RBM14: variants seen among roughly 807,000 people sequenced by gnomAD.
RBM14 encodes RNA-binding protein 14.
In RBM14, 5 loss-of-function variants were observed where a neutral mutation model predicts 52.8. That is an observed-to-expected ratio of 0.09 (90% CI 0.05 to 0.20). RBM14 has a LOEUF of 0.20. Ranked by LOEUF, RBM14 falls within the 10% of genes least tolerant of loss-of-function variation. The pLI, the probability that RBM14 is intolerant of heterozygous loss-of-function variation, is 1.00. For missense variants in RBM14, 780 were observed against 926.6 expected, an observed-to-expected ratio of 0.84 and a Z score of 2.05; for synonymous variants, 411 against 401.8, an observed-to-expected ratio of 1.02 and a Z score of -0.28.
intron 1 of RBM14, among the ~76,000 whole-genome samples, chr11:66,619,925 C>CT (rs1859028103): frequency 6.6e-6 from 1 of 152,248 alleles, no homozygotes; most frequent in African/African-American, 2.4e-5. Context: ...ATTCACTTAA[C>CT]TTTGTTACTG....
chr11:66,616,750 G>A lies in RBM14; in HGVS notation c.30G>A (p.Gly10=), dbSNP rs1565066825. The A allele has an allele frequency of 6.2e-7, 1 of 1,600,460 alleles. No homozygotes were observed. Among genetic ancestry groups the A allele is most frequent in the African/African-American group, 1.3e-5 (1 of 74,688 alleles). The change falls in exon 1 of 3, where the codon GGG becomes GGA. Residue 10 remains glycine, a synonymous_variant. Coordinates refer to ENST00000310137, the MANE Select transcript of RBM14 (RefSeq NM_006328.4). MKIFVGNVD[G]ADTTPEELAA... is the part of the protein sequence containing the mutation. Reference sequence around the variant, plus strand: ...AGATATTCGTGGGCAACGTCGACGGGGCGGATACGACTCCGGAGGAGCTGG... The same window carrying A: ...AGATATTCGTGGGCAACGTCGACGGAGCGGATACGACTCCGGAGGAGCTGG...
intron 1 of RBM14, among the ~76,000 whole-genome samples, chr11:66,618,853 G>A (rs1183589424): frequency 6.6e-6 from 1 of 152,164 alleles, no homozygotes; most frequent in African/African-American, 2.4e-5. Flanking sequence ...CCAACACCAA[G>A]TGACGATGCG....
In RBM14 at chr11:66,625,161, C is replaced by T. The variant is rs762205901; in HGVS notation, c.1285C>T (p.Pro429Ser). 2 of 1,612,760 alleles carry T rather than the reference C, an allele frequency of 1.2e-6. No homozygotes were observed. Among genetic ancestry groups the T allele is most frequent in the Admixed American group, 1.7e-5 (1 of 60,014 alleles). Residue 429 changes from proline to serine, a missense_variant, in exon 2 of 3, where the codon CCT becomes TCT. This residue lies in a region of RBM14 where 675 missense variants were observed against 697.3 expected (regional missense o/e 0.97). Transcript: ENST00000310137. The surrounding 1 kb of genome is among the most constrained non-coding windows in gnomAD (Gnocchi z 4.2). ...AQQAASYSSQ[P>S]AAYVAQPATA... ...GCAGGCTGCTTCCTACTCTTCCCAA[C>T]CTGCTGCCTATGTGGCACAGCCAGC...
chr11:66,626,381 C>A, intron 2 of RBM14, 80 bp from the exon 3 acceptor site: 1 of 1,337,902 alleles, frequency 7.5e-7, no homozygotes, highest in Admixed American at 1.7e-5. Flanking sequence ...CTCCCTGTCC[C>A]CATTGGCATC....
intron 1 of RBM14, among the ~76,000 whole-genome samples, chr11:66,621,833 C>T (rs1461086241): frequency 1.3e-5 from 2 of 152,182 alleles, no homozygotes; most frequent in Non-Finnish European, 2.9e-5. Context: ...TCATATCTTA[C>T]AAGGCACTTT....
chr11:66,621,576 CTTG>C (rs1243336793), intron 1 of RBM14, among the ~76,000 whole-genome samples: 3 of 152,058 alleles, frequency 2.0e-5, no homozygotes, highest in Admixed American at 6.6e-5. Flanking sequence ...GGCGTTTCAC[CTTG>C]TTGGTCAGGC....
Position 66,625,286 on chromosome 11 carries a change from G to C in RBM14, c.1410G>C (p.Gln470His). 1 of 1,612,590 alleles carries C rather than the reference G, an allele frequency of 6.2e-7. No individual in the cohort carries two copies. Among genetic ancestry groups the C allele is most frequent in the Non-Finnish European group, 8.5e-7 (1 of 1,179,646 alleles). Residue 470 changes from glutamine to histidine, a missense_variant, in exon 2 of 3, where the codon CAG becomes CAC. By Grantham distance (24) the Gln-to-His change is conservative (BLOSUM62 0). Around this residue, in one of 4 missense-constraint regions of RBM14, gnomAD observed 675 missense variants for 697.3 expected, o/e 0.97. Coordinates refer to ENST00000310137, the MANE Select transcript of RBM14 (RefSeq NM_006328.4). This position sits in a 1 kb window ranked among gnomAD's most constrained non-coding sequence, Gnocchi z 4.2. ...GGGCCCAGCCGGTTGTGCAGACCCAGCTGAATAGTTACGGGGCCCAAGCAT... is the reference window on the plus strand; with the variant it reads ...GGGCCCAGCCGGTTGTGCAGACCCACCTGAATAGTTACGGGGCCCAAGCAT... Reference protein sequence around the residue: ...SYGAQPVVQTQLNSYGAQASM... With the variant: ...SYGAQPVVQTHLNSYGAQASM...
Position 66,625,339 on chromosome 11 carries a change from C to T in RBM14, c.1463C>T (p.Ala488Val), listed in dbSNP as rs752831172. 1.9e-6 allele frequency: 3 copies of T among 1,608,172 alleles called. No individual in the cohort carries two copies. The highest frequency in any genetic ancestry group is 1.7e-6 in the Non-Finnish European group (2 of 1,178,042). Residue 488 changes from alanine (A) to valine (V), a missense_variant, in exon 2 of 3, where the codon GCT (alanine) becomes GTT (valine). Coordinates refer to ENST00000310137, the MANE Select transcript of RBM14 (RefSeq NM_006328.4). This position sits in a 1 kb window ranked among gnomAD's most constrained non-coding sequence, Gnocchi z 4.2. ...ASMGLSGSYG[A>V]QSAAAATGSY... is the part of the protein sequence containing the mutation. ...ATGGGCCTTTCAGGCTCCTATGGGGCTCAGTCGGCTGCTGCGGCCACTGGC... is the reference window on the plus strand; with the variant it reads ...ATGGGCCTTTCAGGCTCCTATGGGGTTCAGTCGGCTGCTGCGGCCACTGGC...
chr11:66,623,794 G>T, intron 1 of RBM14: 1 of 688,134 alleles, frequency 1.5e-6, no homozygotes, highest in East Asian at 2.7e-5. Flanking sequence ...GGCCTCAAAA[G>T]TGAGCTAGGC....
rs532015715 is a variant in RBM14, at chr11:66,629,886, C to T, written c.*3218C>T. ...GAGGCCAGGATTTTGAGACCAGCTTCGGCAATACGGTGAGACCTTGTCTCT... is the reference window on the plus strand; with the variant it reads ...GAGGCCAGGATTTTGAGACCAGCTTTGGCAATACGGTGAGACCTTGTCTCT... On this transcript the variant is annotated 3_prime_UTR_variant, in exon 3 of 3. Coordinates refer to ENST00000310137, the MANE Select transcript of RBM14 (RefSeq NM_006328.4). Among the ~76,000 whole-genome samples the T allele has an allele frequency of 2.0e-5, 3 of 150,000 alleles. No individual in the cohort carries two copies. The highest frequency in any genetic ancestry group is 6.8e-5 in the Admixed American group (1 of 14,814).
At chr11:66,619,790 T>C (rs1049787552) in intron 1 of RBM14, among the ~76,000 whole-genome samples, 9 of 152,184 alleles carry the variant, frequency 5.9e-5, no homozygotes, top group African/African-American at 2.2e-4. Flanking sequence ...ATGGTCTCGA[T>C]CTCCTGACCT....
intron 1 of RBM14, among the ~76,000 whole-genome samples, chr11:66,620,004 T>C (rs1430847737): frequency 6.6e-6 from 1 of 152,268 alleles, no homozygotes; most frequent in Non-Finnish European, 1.5e-5. Flanking sequence ...CCCAATGCAG[T>C]GATTTCCTTC....
At position 66,625,476 on chromosome 11, in the gene RBM14, C is replaced by T. The variant is rs1282519616; in HGVS notation, c.1600C>T (p.Pro534Ser). The T allele has an allele frequency of 6.2e-7, 1 of 1,613,294 alleles. No homozygotes were observed. The highest frequency in any genetic ancestry group is 2.2e-5 in the East Asian group (1 of 44,846). Residue 534 changes from proline to serine, a missense_variant, in exon 2 of 3, where the codon CCC (proline) becomes TCC (serine). By Grantham distance (74) the Pro-to-Ser change is moderately conservative. Coordinates refer to ENST00000310137, the MANE Select transcript of RBM14 (RefSeq NM_006328.4). The surrounding 1 kb of genome is among the most constrained non-coding windows in gnomAD (Gnocchi z 4.2). Reference protein sequence around the residue: ...LAASYAAQQHPQAAASYRGQP... With the variant: ...LAASYAAQQHSQAAASYRGQP... ...TGCTTCCTATGCTGCCCAGCAGCAT[C>T]CCCAGGCTGCTGCCTCCTACCGCGG...
chr11:66,616,642 G>C lies in RBM14; in HGVS notation c.-79G>C. On this transcript the variant is annotated 5_prime_UTR_variant, in exon 1 of 3. Transcript: ENST00000310137. The stretch of plus-strand genomic sequence containing the variant: ...TCGGTCGCCAGCCATTCCTGAGGAG[G>C]ACTGCCGGTCGTTCGGACGTCTTGC... 1 of 1,478,506 alleles carries C rather than the reference G, an allele frequency of 6.8e-7. No individual in the cohort carries two copies. The highest frequency in any genetic ancestry group is 9.0e-7 in the Non-Finnish European group (1 of 1,110,442). The allele number at this position is 1,478,506 out of a possible 1,614,324, so 91.6% of individuals were successfully genotyped here.
chr11:66,628,558 C>T lies in RBM14; in HGVS notation c.*1890C>T, dbSNP rs1457542853. The stretch of plus-strand genomic sequence containing the variant: ...GGAGTACTGGGGCCATGGCTCTTTC[C>T]CTTGCTTCTCTTTCTGCTCACTGCT... On this transcript the variant is annotated 3_prime_UTR_variant, in exon 3 of 3. Transcript: ENST00000310137. Among the ~76,000 whole-genome samples the T allele has an allele frequency of 6.6e-6, 1 of 152,028 alleles. No homozygotes were observed. The highest frequency in any genetic ancestry group is 2.4e-5 in the African/African-American group (1 of 41,372).
chr11:66,621,620 G>A (rs534316125), intron 1 of RBM14, among the ~76,000 whole-genome samples: 6 of 151,760 alleles, frequency 4.0e-5, no homozygotes, highest in African/African-American at 1.5e-4. Flanking sequence ...CAGGTGGTCC[G>A]CCTGCCTCGG....
chr11:66,622,234 C>CTT (rs377533228), intron 1 of RBM14, among the ~76,000 whole-genome samples: 7 of 140,532 alleles, frequency 5.0e-5, no homozygotes, highest in South Asian at 2.3e-4. Context: ...TTCTTTTTTT[C>CTT]TTTTTTTTTT....
intron 1 of RBM14, chr11:66,618,380 T>G: frequency 1.5e-6 from 1 of 653,102 alleles, no homozygotes; most frequent in Admixed American, 2.3e-5. Flanking sequence ...GAAAGGCACA[T>G]GTTTGGGGCC....
intron 1 of RBM14, among the ~76,000 whole-genome samples, chr11:66,619,750 T>G (rs1859016938): frequency 6.6e-6 from 1 of 152,120 alleles, no homozygotes. Context: ...GTATTTTTAG[T>G]AGAGACGGGG....
Sources: allele counts gnomAD v4.1 joint callset (sites outside exome capture counted in the v4.1 genomes callset), GRCh38; gene constraint gnomAD v4.1.1; regional missense constraint gnomAD v4.1.1; non-coding constraint Gnocchi (gnomAD v3.1); transcripts MANE v1.5; gene names NCBI Gene and HGNC (gene_info 2026-07-23, HGNC 2026-07-21).